The following ZFHX3 variants were observed in gnomAD, a reference collection of about 807,000 sequenced individuals.
ZFHX3 encodes zinc finger homeobox 3.
Under a neutral mutation model 279.1 loss-of-function variants are expected in ZFHX3, and 42 were observed. That is an observed-to-expected ratio of 0.15 (90% CI 0.12 to 0.19). The LOEUF (loss-of-function observed/expected upper bound fraction) is 0.19. Among genes scored for constraint, ZFHX3 ranks in the 10% least tolerant of loss-of-function variants. The pLI, the probability that ZFHX3 is intolerant of heterozygous loss-of-function variation, is 1.00. For missense variants in ZFHX3, 4,981 were observed against 4,754.0 expected, an observed-to-expected ratio of 1.05 and a Z score of -1.40; for synonymous variants, 2,293 against 1,957.8, an observed-to-expected ratio of 1.17 and a Z score of -4.52.
intron 2 of ZFHX3, among the ~76,000 whole-genome samples, chr16:73,650,477 G>A (rs1403703679): frequency 1.3e-5 from 2 of 152,120 alleles, no homozygotes; most frequent in African/African-American, 4.8e-5. Flanking sequence ...AAAGTTGTCT[G>A]AGCACTGAAT....
chr16:73,833,589 C>CA (rs1961057995), intron 1 of ZFHX3, among the ~76,000 whole-genome samples: 2 of 151,646 alleles, frequency 1.3e-5, no homozygotes, highest in Admixed American at 6.6e-5. Context: ...GAACATCACA[C>CA]ACCAGGGCCT....
At chr16:72,971,634 G>A (rs1240651539) in intron 1 of ZFHX3, among the ~76,000 whole-genome samples, 5 of 152,044 alleles carry the variant, frequency 3.3e-5, no homozygotes, top group Non-Finnish European at 7.4e-5. Context: ...GAACATTTAA[G>A]GCCCTCTGGA....
intron 2 of ZFHX3, among the ~76,000 whole-genome samples, chr16:73,457,590 T>A (rs181335895): frequency 8.4e-4 from 128 of 152,194 alleles, no homozygotes; most frequent in African/African-American, 2.9e-3. Context: ...CTGACCAACA[T>A]GGTGAAACTC....
chr16:73,535,408 C>T (rs2019882008), intron 2 of ZFHX3, among the ~76,000 whole-genome samples: 1 of 152,162 alleles, frequency 6.6e-6, no homozygotes, highest in African/African-American at 2.4e-5. Context: ...GTTCAGTGCA[C>T]CACTGGTGAG....
chr16:73,390,744 T>C (rs752517505), intron 3 of ZFHX3, among the ~76,000 whole-genome samples: 3 of 152,046 alleles, frequency 2.0e-5, no homozygotes, highest in Non-Finnish European at 4.4e-5. Flanking sequence ...GACCCTTTTC[T>C]TTCATCAATG....
At chr16:73,581,846 T>A (rs776242698) in intron 2 of ZFHX3, among the ~76,000 whole-genome samples, 1 of 151,492 alleles carries the variant, frequency 6.6e-6, no homozygotes, top group Non-Finnish European at 1.5e-5. Flanking sequence ...GCTAATTTTT[T>A]TGTATTTTTA....
chr16:72,819,234 C>G (rs575162140), intron 5 of ZFHX3, among the ~76,000 whole-genome samples: 14 of 151,510 alleles, frequency 9.2e-5, no homozygotes, highest in South Asian at 2.1e-4. Context: ...CCCTCTCCCC[C>G]ACCCCCAATC....
At chr16:73,619,241 C>T (rs2052333880) in intron 2 of ZFHX3, among the ~76,000 whole-genome samples, 1 of 152,014 alleles carries the variant, frequency 6.6e-6, no homozygotes, top group Admixed American at 6.6e-5. Flanking sequence ...GTAATCCTAG[C>T]ACTTCGGGAG....
chr16:73,515,333 C>T (rs1057096955), intron 2 of ZFHX3, among the ~76,000 whole-genome samples: 2 of 152,064 alleles, frequency 1.3e-5, no homozygotes, highest in African/African-American at 4.8e-5. Flanking sequence ...TAAGGATGAC[C>T]AAGTCAAATA....
At chr16:73,081,986 A>G (rs2144766638) in intron 8 of ZFHX3, among the ~76,000 whole-genome samples, 1 of 151,752 alleles carries the variant, frequency 6.6e-6, no homozygotes, top group Non-Finnish European at 1.5e-5. Context: ...ACAGGTGTGT[A>G]CCACCACACC....
At position 72,820,335 on chromosome 16, in the gene ZFHX3, G is replaced by GTAT. The variant is rs2036751934; in HGVS notation, c.3530-8298_3530-8297insATA. Among the ~76,000 whole-genome samples, 3 of 152,294 alleles carry GTAT rather than the reference G, an allele frequency of 2.0e-5. No individual in the cohort carries two copies. In the South Asian group the frequency reaches 6.2e-4, roughly 32 times the overall value. On this transcript the variant is annotated intron_variant, in intron 5 of 9. Transcript: ENST00000268489. ...TAATTCCTTGCTGAAGTATGCATAA[G>GTAT]GCTGCTTAACCACACTGATTTGAGT... is the stretch of plus-strand genomic sequence containing the variant.
chr16:73,583,386 T>C (rs898014738), intron 2 of ZFHX3, among the ~76,000 whole-genome samples: 9 of 152,362 alleles, frequency 5.9e-5, no homozygotes, highest in African/African-American at 2.2e-4. Flanking sequence ...CTGCATGAGC[T>C]GACACTGTGG....
At chr16:73,513,796 A>T (rs1306288029) in intron 2 of ZFHX3, among the ~76,000 whole-genome samples, 1 of 152,134 alleles carries the variant, frequency 6.6e-6, no homozygotes, top group Non-Finnish European at 1.5e-5. Flanking sequence ...AATAAGCACA[A>T]AGCCTATGGG....
chr16:73,302,451 G>A (rs2015078040), intron 4 of ZFHX3, among the ~76,000 whole-genome samples: 1 of 152,194 alleles, frequency 6.6e-6, no homozygotes, highest in South Asian at 2.1e-4. Flanking sequence ...ACACAACTGA[G>A]GTTTAGAGAG....
chr16:73,573,197 C>A (rs2051759956), intron 2 of ZFHX3, among the ~76,000 whole-genome samples: 1 of 152,158 alleles, frequency 6.6e-6, no homozygotes, highest in Non-Finnish European at 1.5e-5. Context: ...CGCAGGCGCC[C>A]CCAGAAGTCC....
At chr16:73,411,511 T>G (rs916171099) in intron 3 of ZFHX3, among the ~76,000 whole-genome samples, 3 of 152,230 alleles carry the variant, frequency 2.0e-5, no homozygotes, top group African/African-American at 7.2e-5. Context: ...CTTTGTTTTT[T>G]TTCAGGATCA....
chr16:73,350,887 GTTC>G (rs1198456719), intron 3 of ZFHX3, among the ~76,000 whole-genome samples: 2 of 152,328 alleles, frequency 1.3e-5, no homozygotes, highest in Admixed American at 6.5e-5. Flanking sequence ...CAGAGCCTGA[GTTC>G]TGCTTCCTGG....
chr16:73,127,084 G>A (rs569441911), intron 7 of ZFHX3: 3 of 270,330 alleles, frequency 1.1e-5, no homozygotes, highest in African/African-American at 6.7e-5. Flanking sequence ...GGGGTGCAGG[G>A]CCTCCTTGAA....
At chr16:73,883,914 G>C (rs2030261092) in intron 1 of ZFHX3, among the ~76,000 whole-genome samples, 1 of 152,028 alleles carries the variant, frequency 6.6e-6, no homozygotes, top group African/African-American at 2.4e-5. Context: ...ATTTTGATCA[G>C]AAGGAGAAGT....
Sources: allele counts gnomAD v4.1 joint callset (sites outside exome capture counted in the v4.1 genomes callset), GRCh38; gene constraint gnomAD v4.1.1; transcripts MANE v1.5; gene names NCBI Gene and HGNC (gene_info 2026-07-23, HGNC 2026-07-21).